HLCS: variants seen among roughly 807,000 people sequenced by gnomAD.
HLCS encodes the protein biotin--protein ligase.
A neutral mutation model predicts 75.0 loss-of-function variants in HLCS; 53 were observed. That is an observed-to-expected ratio of 0.71 (90% CI 0.57 to 0.89). The LOEUF is 0.89. HLCS is among the 40% of genes least tolerant of loss of function. The pLI, the probability that HLCS is intolerant of heterozygous loss-of-function variation, is 0.00. For missense variants in HLCS, 966 were observed against 1,074.0 expected (o/e 0.90, Z 1.41); for synonymous variants, 431 against 428.6 (o/e 1.01, Z -0.07).
At chr21:36,850,478 C>A (rs865876477) in intron 6 of HLCS, among the ~76,000 whole-genome samples, 34 of 152,282 alleles carry the variant, frequency 2.2e-4, no homozygotes, top group African/African-American at 7.5e-4. Flanking sequence ...CTATCCTGCA[C>A]CCCCAAGCCC....
intron 8 of HLCS, among the ~76,000 whole-genome samples, chr21:36,763,310 A>G (rs1214968403): frequency 6.6e-6 from 1 of 152,172 alleles, no homozygotes; most frequent in Non-Finnish European, 1.5e-5. Context: ...GCGCCTGGCC[A>G]GGACTTTCTA....
At chr21:36,851,886 T>A (rs79902020) in intron 6 of HLCS, 136 of 152,316 alleles carry the variant, frequency 8.9e-4, no homozygotes, top group African/African-American at 3.1e-3. Context: ...TTTTTAAACA[T>A]TAGGAAAAAG....
rs2060339320 is a variant in HLCS, at chr21:36,775,753, T to TG, written c.1893-8469dup. Among the ~76,000 whole-genome samples, 5 of 152,330 alleles carry TG rather than the reference T, an allele frequency of 3.3e-5. No individual in the cohort carries two copies. In the South Asian group the frequency reaches 1.0e-3, roughly 32 times the overall value. ...TCTTGGTGGAGAGTGTCCACAGCCT[T>TG]GACCATAAGTCACCTGCCCCTAAAG... is the stretch of plus-strand genomic sequence containing the variant. On this transcript the variant is annotated intron_variant, in intron 6 of 10. Transcript: ENST00000674895.
intron 2 of HLCS, among the ~76,000 whole-genome samples, chr21:36,957,483 T>C (rs1167377830): frequency 6.6e-6 from 1 of 152,222 alleles, no homozygotes; most frequent in Non-Finnish European, 1.5e-5. Context: ...ACAGTTACCA[T>C]ATGACAAGGC....
At chr21:36,885,283 G>C (rs1305879946) in intron 6 of HLCS, among the ~76,000 whole-genome samples, 1 of 152,132 alleles carries the variant, frequency 6.6e-6, no homozygotes, top group Non-Finnish European at 1.5e-5. Context: ...AAGGTGGGAG[G>C]ATCGCTTAAA....
At chr21:36,789,253 C>T (rs1293974836) in intron 6 of HLCS, among the ~76,000 whole-genome samples, 4 of 152,206 alleles carry the variant, frequency 2.6e-5, no homozygotes, top group Middle Eastern at 3.4e-3. Flanking sequence ...CAGGGTCTTG[C>T]TATGTTGCCC....
chr21:36,756,186 C>T (rs984129285), intron 10 of HLCS, among the ~76,000 whole-genome samples: 5 of 152,022 alleles, frequency 3.3e-5, no homozygotes, highest in Non-Finnish European at 4.4e-5. Flanking sequence ...CACCTGTAAT[C>T]CCAGCACTTT....
chr21:36,980,117 G>A (rs1458057056), intron 1 of HLCS, among the ~76,000 whole-genome samples: 3 of 148,666 alleles, frequency 2.0e-5, no homozygotes, highest in Non-Finnish European at 3.0e-5. Flanking sequence ...GAGCCCAGGA[G>A]TTCAAGGCTG....
At chr21:36,989,581 G>A (rs1353245204) in intron 1 of HLCS, among the ~76,000 whole-genome samples, 3 of 152,058 alleles carry the variant, frequency 2.0e-5, no homozygotes, top group Non-Finnish European at 4.4e-5. Flanking sequence ...TGCCTGCCTC[G>A]GCCTCGCGAA....
At chr21:36,815,595 A>C (rs1226699425) in intron 6 of HLCS, among the ~76,000 whole-genome samples, 1 of 152,204 alleles carries the variant, frequency 6.6e-6, no homozygotes, top group Non-Finnish European at 1.5e-5. Flanking sequence ...TGGACAAATG[A>C]GTAAAGACGG....
intron 6 of HLCS, among the ~76,000 whole-genome samples, chr21:36,884,239 CAAG>C (rs1325647715): frequency 6.6e-6 from 1 of 152,354 alleles, no homozygotes; most frequent in East Asian, 1.9e-4. Context: ...TCCAGCCTTC[CAAG>C]AAGGTTTGCA....
At chr21:36,853,925 T>C (rs1158803656) in intron 6 of HLCS, among the ~76,000 whole-genome samples, 2 of 152,176 alleles carry the variant, frequency 1.3e-5, no homozygotes, top group African/African-American at 4.8e-5. Context: ...TAGAAAAGCA[T>C]CCTGGAGTGA....
intron 5 of HLCS, among the ~76,000 whole-genome samples, chr21:36,922,220 AAT>A (rs1422347641): frequency 5.9e-5 from 9 of 152,164 alleles, no homozygotes; most frequent in Non-Finnish European, 1.2e-4. Context: ...CTTTAACTCC[AAT>A]ATCTCCTTTT....
At chr21:36,946,192 T>C (rs2067384233) in intron 2 of HLCS, 3 of 586,976 alleles carry the variant, frequency 5.1e-6, no homozygotes, top group African/African-American at 2.0e-5. Flanking sequence ...ATCTTAGACA[T>C]TACAACAGTT....
chr21:36,957,968 C>T (rs1369607203), intron 2 of HLCS, among the ~76,000 whole-genome samples: 1 of 151,006 alleles, frequency 6.6e-6, no homozygotes, highest in Non-Finnish European at 1.5e-5. Context: ...TGGCTCACGC[C>T]TGTAATCCCA....
At chr21:36,768,717 A>G (rs2145783564) in intron 6 of HLCS, among the ~76,000 whole-genome samples, 1 of 152,378 alleles carries the variant, frequency 6.6e-6, no homozygotes. Context: ...TCCATCTCAC[A>G]TGAAATACAG....
intron 5 of HLCS, among the ~76,000 whole-genome samples, chr21:36,902,345 G>C (rs2065269665): frequency 6.6e-6 from 1 of 152,196 alleles, no homozygotes; most frequent in African/African-American, 2.4e-5. Context: ...AGGGCCAAGT[G>C]GGGTGGGACC....
At chr21:36,924,431 G>A (rs2066310794) in intron 5 of HLCS, among the ~76,000 whole-genome samples, 1 of 152,070 alleles carries the variant, frequency 6.6e-6, no homozygotes, top group South Asian at 2.1e-4. Flanking sequence ...ATGGTGATGG[G>A]CACCTGTAAC....
At chr21:36,944,530 AAATT>A (rs1294809827) in intron 2 of HLCS, among the ~76,000 whole-genome samples, 2 of 152,198 alleles carry the variant, frequency 1.3e-5, no homozygotes, top group African/African-American at 4.8e-5. Context: ...CCTCAATTAA[AAATT>A]AATATACAAC....
Sources: allele counts gnomAD v4.1 joint callset (sites outside exome capture counted in the v4.1 genomes callset), GRCh38; gene constraint gnomAD v4.1.1; transcripts MANE v1.5; gene names NCBI Gene and HGNC (gene_info 2026-07-23, HGNC 2026-07-21).